RPS6KC1: variants seen among roughly 807,000 people sequenced by gnomAD.
RPS6KC1 encodes inactive ribosomal protein S6 kinase delta-1.
RPS6KC1 carries 54 observed loss-of-function variants against 103.8 expected under a neutral mutation model. The ratio of observed to expected loss-of-function variants is 0.52; its 90% confidence interval spans 0.42 to 0.65. RPS6KC1 has a LOEUF of 0.65. RPS6KC1 is among the 30% of genes least tolerant of loss of function. RPS6KC1 has a pLI of 0.00. For synonymous variants in RPS6KC1, 439 were observed against 438.7 expected (o/e 1.00, Z -0.01); for missense variants, 1,151 against 1,253.8 (o/e 0.92, Z 1.24).
the RPS6KC1 span, among the ~76,000 whole-genome samples, chr1:213,709,921 G>T: frequency 6.6e-6 from 1 of 152,120 alleles, no homozygotes; most frequent in African/African-American, 2.4e-5. Context: ...CATTTGCTGT[G>T]GAGTGTTTTC....
At chr1:213,788,431 C>A in the RPS6KC1 span, among the ~76,000 whole-genome samples, 1 of 152,280 alleles carries the variant, frequency 6.6e-6, no homozygotes, top group South Asian at 2.1e-4. Flanking sequence ...GGTCTACCAG[C>A]AAGATCTGCT....
chr1:213,566,474 T>G, the RPS6KC1 span, among the ~76,000 whole-genome samples: 2 of 67,938 alleles, frequency 2.9e-5, no homozygotes, highest in South Asian at 5.3e-4. Context: ...TTTTTTTTTT[T>G]TTTTTTTTTT....
the RPS6KC1 span, among the ~76,000 whole-genome samples, chr1:213,695,034 A>G: frequency 1.3e-5 from 2 of 152,260 alleles, no homozygotes; most frequent in South Asian, 2.1e-4. Flanking sequence ...GTCTCGGAAG[A>G]GTTGAATCCT....
chr1:213,181,810 A>T (rs1163787961), intron 8 of RPS6KC1, among the ~76,000 whole-genome samples: 1 of 152,210 alleles, frequency 6.6e-6, no homozygotes, highest in African/African-American at 2.4e-5. Context: ...TTTGTTGCTG[A>T]CCAGCCTACC....
At chr1:213,156,893 T>C (rs1327366495) in intron 6 of RPS6KC1, among the ~76,000 whole-genome samples, 1 of 152,306 alleles carries the variant, frequency 6.6e-6, no homozygotes, top group East Asian at 1.9e-4. Flanking sequence ...AAATTTCATT[T>C]GTTTTCTCTG....
At chr1:213,172,527 C>G (rs781441827) in intron 7 of RPS6KC1, among the ~76,000 whole-genome samples, 13 of 152,224 alleles carry the variant, frequency 8.5e-5, no homozygotes, top group Non-Finnish European at 1.9e-4. Flanking sequence ...ACAAGGTTAT[C>G]GTTTGAGCCT....
the RPS6KC1 span, among the ~76,000 whole-genome samples, chr1:213,378,937 A>G: frequency 6.6e-6 from 1 of 152,182 alleles, no homozygotes; most frequent in Non-Finnish European, 1.5e-5. Context: ...TACCCTAGAC[A>G]GGGTGGCTCA....
intron 8 of RPS6KC1, among the ~76,000 whole-genome samples, chr1:213,194,778 C>G (rs1161272347): frequency 1.3e-5 from 2 of 152,174 alleles, no homozygotes; most frequent in East Asian, 1.9e-4. Context: ...AGTATCATCT[C>G]AAAACCATGC....
chr1:213,627,247 A>G, the RPS6KC1 span, among the ~76,000 whole-genome samples: 7 of 152,254 alleles, frequency 4.6e-5, no homozygotes, highest in East Asian at 1.9e-4. Context: ...GTATAAGAAT[A>G]CTTGTGATTT....
At chr1:213,790,850 G>A in the RPS6KC1 span, among the ~76,000 whole-genome samples, 26 of 152,274 alleles carry the variant, frequency 1.7e-4, no homozygotes, top group Non-Finnish European at 3.2e-4. Flanking sequence ...TGACAAACCT[G>A]AGGAGTATCT....
At chr1:213,542,413 C>T in the RPS6KC1 span, among the ~76,000 whole-genome samples, 1 of 152,226 alleles carries the variant, frequency 6.6e-6, no homozygotes, top group Admixed American at 6.5e-5. Flanking sequence ...TCCCCATCTT[C>T]AGAAGGATGG....
the RPS6KC1 span, among the ~76,000 whole-genome samples, chr1:213,285,502 G>A: frequency 6.6e-6 from 1 of 151,682 alleles, no homozygotes; most frequent in African/African-American, 2.4e-5. Flanking sequence ...AAAGTTACCT[G>A]TAGAAATATG....
At chr1:213,365,071 T>C in the RPS6KC1 span, among the ~76,000 whole-genome samples, 1 of 152,212 alleles carries the variant, frequency 6.6e-6, no homozygotes, top group Admixed American at 6.5e-5. Context: ...CCAGAGAATA[T>C]ACCAATAACA....
chr1:213,758,286 T>A, the RPS6KC1 span, among the ~76,000 whole-genome samples: 1 of 152,164 alleles, frequency 6.6e-6, no homozygotes, highest in Admixed American at 6.5e-5. Flanking sequence ...ATTAAAAATA[T>A]TTGTGATTCA....
the RPS6KC1 span, among the ~76,000 whole-genome samples, chr1:213,420,536 C>G: frequency 6.6e-6 from 1 of 152,134 alleles, no homozygotes; most frequent in East Asian, 1.9e-4. Flanking sequence ...TTAAGGAGAC[C>G]TATCCTGGTG....
intron 12 of RPS6KC1, among the ~76,000 whole-genome samples, chr1:213,248,578 A>G (rs897158367): frequency 6.6e-6 from 1 of 152,150 alleles, no homozygotes; most frequent in African/African-American, 2.4e-5. Context: ...GAGTACAAGC[A>G]AAAAAGGCCT....
chr1:213,550,177 G>A, the RPS6KC1 span, among the ~76,000 whole-genome samples: 1 of 152,232 alleles, frequency 6.6e-6, no homozygotes, highest in Non-Finnish European at 1.5e-5. Context: ...TTGGCAAGAA[G>A]CAATGGGAGG....
chr1:213,343,402 T>C, the RPS6KC1 span, among the ~76,000 whole-genome samples: 1 of 14,078 alleles, frequency 7.1e-5, no homozygotes, highest in Non-Finnish European at 1.9e-4. Flanking sequence ...TATATATATA[T>C]ATATATATAT....
the RPS6KC1 span, among the ~76,000 whole-genome samples, chr1:213,580,072 G>A: frequency 6.6e-6 from 1 of 151,986 alleles, no homozygotes; most frequent in African/African-American, 2.4e-5. Context: ...TATCTGCCAT[G>A]GGTAGCGATT....
Sources: allele counts gnomAD v4.1 joint callset (sites outside exome capture counted in the v4.1 genomes callset), GRCh38; gene constraint gnomAD v4.1.1; transcripts MANE v1.5; gene names NCBI Gene and HGNC (gene_info 2026-07-23, HGNC 2026-07-21).